The following MLXIPL variants were observed in gnomAD, a reference collection of about 807,000 sequenced individuals.
MLXIPL encodes the protein carbohydrate-responsive element-binding protein.
In MLXIPL, 49 loss-of-function variants were observed where a neutral mutation model predicts 81.5. The ratio of observed to expected loss-of-function variants is 0.60; its 90% CI spans 0.48 to 0.76. MLXIPL has a LOEUF of 0.76. MLXIPL is among the 30% of genes least tolerant of loss of function. MLXIPL has a pLI of 0.00. For missense variants in MLXIPL, 1,053 were observed against 1,167.0 expected (o/e 0.90, Z 1.42); for synonymous variants, 466 against 485.5 (o/e 0.96, Z 0.53).
intron 2 of MLXIPL, among the ~76,000 whole-genome samples, chr7:73,614,816 T>A (rs1439270786): frequency 6.7e-6 from 1 of 149,348 alleles, no homozygotes; most frequent in Non-Finnish European, 1.5e-5. Flanking sequence ...GCCCTTTTTT[T>A]TTTTTTTTTT....
chr7:73,619,018 G>T (rs1554601365), intron 1 of MLXIPL, among the ~76,000 whole-genome samples: 1 of 152,254 alleles, frequency 6.6e-6, no homozygotes, highest in Non-Finnish European at 1.5e-5. Context: ...AGAGCGTAAC[G>T]CTAGGGTTCA....
intron 2 of MLXIPL, chr7:73,611,483 C>T (rs1795686836): frequency 6.6e-6 from 1 of 152,194 alleles, no homozygotes; most frequent in African/African-American, 2.4e-5. Context: ...TTTACTAGGG[C>T]TTTTTAGCAT....
the MLXIPL span, among the ~76,000 whole-genome samples, chr7:73,644,804 A>G: frequency 3.9e-5 from 6 of 152,154 alleles, no homozygotes; most frequent in African/African-American, 1.4e-4. Flanking sequence ...AGCAGGTGAC[A>G]GTCATCTGCT....
In MLXIPL at chr7:73,601,494, G is replaced by A. The variant is rs1030291568; in HGVS notation, c.902-1799C>T. Reference sequence around the variant, plus strand: ...CCCTGATCTGCTGGTACAGAAAGGAGGTGCCCAGAGAGAATGCCAGGGTGG... The same window carrying A: ...CCCTGATCTGCTGGTACAGAAAGGAAGTGCCCAGAGAGAATGCCAGGGTGG... On this transcript the variant is annotated intron_variant, in intron 7 of 16. Transcript: ENST00000313375. Among the ~76,000 whole-genome samples the A allele has an allele frequency of 2.6e-5, 4 of 152,180 alleles. No homozygotes were observed. In the East Asian group the frequency reaches 7.7e-4, roughly 29 times the overall value.
intron 1 of MLXIPL, among the ~76,000 whole-genome samples, chr7:73,622,278 G>T (rs902059392): frequency 3.3e-5 from 5 of 151,948 alleles, no homozygotes; most frequent in Non-Finnish European, 7.4e-5. Context: ...ATCACCTGAG[G>T]TCAGGAGTTT....
In MLXIPL at chr7:73,593,553, C is replaced by T; in HGVS notation, c.*312G>A. The stretch of plus-strand genomic sequence containing the variant: ...GCCCCCAATGTCACAGCTGCCAAGG[C>T]CTGGGGGTCATCTGCTGATTGAACC... On this transcript the variant is annotated 3_prime_UTR_variant, in exon 17 of 17. Transcript: ENST00000313375. 1 of 370,196 alleles carries T rather than the reference C, an allele frequency of 2.7e-6. No individual in the cohort carries two copies. Among genetic ancestry groups the T allele is most frequent in the South Asian group, 2.3e-5 (1 of 44,064 alleles). 22.9% of individuals were successfully genotyped at this position (370,196 alleles called of 1,614,324 possible).
At chr7:73,597,019 A>G in intron 9 of MLXIPL, 87 bp from the exon 10 acceptor site, 1 of 1,515,930 alleles carries the variant, frequency 6.6e-7, no homozygotes, top group Non-Finnish European at 9.0e-7. Context: ...CCAAGAGTCC[A>G]CACCCCTTTT....
rs1288058659 is a variant in MLXIPL at position 73,623,732 on chromosome 7, G to A, written c.293+468C>T. On this transcript the variant is annotated intron_variant, in intron 1 of 16. Transcript: ENST00000313375. This position sits in a 1 kb window ranked among gnomAD's most constrained non-coding sequence, Gnocchi z 5.7. The stretch of plus-strand genomic sequence containing the variant: ...ATCAGGGGCGCTGGGAGTATCTCAG[G>A]GTCCAGGAATAGGGCGGGCTTGGGC... Among the ~76,000 whole-genome samples the A allele has an allele frequency of 6.6e-6, 1 of 152,180 alleles. No homozygotes were observed. Among genetic ancestry groups the A allele is most frequent in the African/African-American group, 2.4e-5 (1 of 41,450 alleles).
the MLXIPL span, among the ~76,000 whole-genome samples, chr7:73,640,934 A>G: frequency 6.6e-6 from 1 of 152,096 alleles, no homozygotes; most frequent in Non-Finnish European, 1.5e-5. Flanking sequence ...CCCTGAGCAG[A>G]CACTGGGAAG....
At chr7:73,616,253 C>T (rs1796002738) in intron 1 of MLXIPL, 76 bp from the exon 2 acceptor site, 13 of 1,279,234 alleles carry the variant, frequency 1.0e-5, no homozygotes, top group African/African-American at 1.5e-5. Flanking sequence ...TCCCCATGCA[C>T]TAGGCATCCA....
intron 1 of MLXIPL, 49 bp downstream of exon 1, chr7:73,624,151 C>CAA: frequency 1.4e-6 from 2 of 1,477,282 alleles, no homozygotes; most frequent in Admixed American, 2.2e-5. Flanking sequence ...GACCCCCCCC[C>CAA]CATCCCCACC....
intron 7 of MLXIPL, 130 bp from the exon 8 acceptor site, chr7:73,599,825 G>T (rs554005823): frequency 2.4e-6 from 2 of 834,618 alleles, no homozygotes; most frequent in African/African-American, 1.7e-5. Flanking sequence ...GAGGGTGGGG[G>T]TCCCTTCCAC....
rs989684131 is a variant in MLXIPL, at chr7:73,619,440, G to A, written c.294-3263C>T. On this transcript the variant is annotated intron_variant, in intron 1 of 16. Transcript: ENST00000313375. The stretch of plus-strand genomic sequence containing the variant: ...TGTGCCACTGCACTCCAGCCTGGGC[G>A]ACAGAGAGCGACTCCATCTCAAAAA... 1.3e-4 allele frequency among the ~76,000 whole-genome samples: 19 copies of A among 145,620 alleles called. No individual in the cohort carries two copies. In the South Asian group the frequency reaches 3.1e-3, roughly 24 times the overall value.
At chr7:73,599,220 T>C (rs1794591439) in intron 8 of MLXIPL, among the ~76,000 whole-genome samples, 1 of 151,648 alleles carries the variant, frequency 6.6e-6, no homozygotes, top group South Asian at 2.1e-4. Flanking sequence ...GTCCCTTCTG[T>C]CCAAAGCTGA....
At chr7:73,646,038 C>T in the MLXIPL span, among the ~76,000 whole-genome samples, 1 of 152,208 alleles carries the variant, frequency 6.6e-6, no homozygotes, top group Non-Finnish European at 1.5e-5. Flanking sequence ...TCCCCTCTCT[C>T]TTCCCTCCTC....
Position 73,607,351 on chromosome 7 carries a change from G to T in MLXIPL, c.553C>A (p.Arg185Ser). The T allele has an allele frequency of 6.4e-7, 1 of 1,566,522 alleles. No individual in the cohort carries two copies. Among genetic ancestry groups the T allele is most frequent in the Non-Finnish European group, 8.7e-7 (1 of 1,155,150 alleles). Residue 185 changes from arginine (R) to serine (S), a missense_variant, in exon 4 of 17, where the codon CGC (arginine) becomes AGC (serine). This residue lies in a region of MLXIPL where 823 missense variants were observed against 933.0 expected (regional missense o/e 0.88). Transcript: ENST00000313375. ...EVVMREYHKWRIYYKKRLRKP... is the reference protein window; with the variant it reads ...EVVMREYHKWSIYYKKRLRKP... Reference sequence around the variant, plus strand: ...CTGACCCGCTTCTTGTAGTAGATGCGCCACTTGTGGTATTCCCGCATCACC... The same window carrying T: ...CTGACCCGCTTCTTGTAGTAGATGCTCCACTTGTGGTATTCCCGCATCACC...
chr7:73,604,215 C>CAAAAAAA (rs55693159), intron 7 of MLXIPL, among the ~76,000 whole-genome samples: 1 of 50,000 alleles, frequency 2.0e-5, no homozygotes, highest in Non-Finnish European at 3.3e-5. Flanking sequence ...GACTCCGTCT[C>CAAAAAAA]AAAAAAAAAA....
chr7:73,628,073 C>T (rs117739002), upstream of MLXIPL, among the ~76,000 whole-genome samples: 192 of 152,232 alleles, frequency 1.3e-3, 2 homozygotes, highest in East Asian at 0.019. Flanking sequence ...CCTTCCACCA[C>T]GGCCTCCCAA....
chr7:73,593,969 G>T lies in MLXIPL; in HGVS notation c.2455C>A (p.Leu819Ile). Residue 819 changes from leucine (L) to isoleucine (I), a missense_variant, in exon 17 of 17, where the codon CTA (leucine) becomes ATA (isoleucine). By Grantham distance (5) the Leu-to-Ile change is conservative. This residue lies in a region of MLXIPL where 823 missense variants were observed against 933.0 expected (regional missense o/e 0.88). Coordinates refer to ENST00000313375, the MANE Select transcript of MLXIPL (RefSeq NM_032951.3). ...PALRPTVLNS[L>I]RQLGTSTSIL... Reference sequence around the variant, plus strand: ...CTGGTAGATGTGCCCAGCTGGCGTAGGGAGTTCAGGACAGCTGGGTGGGAG... The same window carrying T: ...CTGGTAGATGTGCCCAGCTGGCGTATGGAGTTCAGGACAGCTGGGTGGGAG... 1.2e-6 allele frequency: 2 copies of T among 1,614,004 alleles called. No homozygotes were observed. Among genetic ancestry groups the T allele is most frequent in the South Asian group, 2.2e-5 (2 of 91,076 alleles).
Sources: allele counts gnomAD v4.1 joint callset (sites outside exome capture counted in the v4.1 genomes callset), GRCh38; gene constraint gnomAD v4.1.1; regional missense constraint gnomAD v4.1.1; non-coding constraint Gnocchi (gnomAD v3.1); transcripts MANE v1.5; gene names NCBI Gene and HGNC (gene_info 2026-07-23, HGNC 2026-07-21).